SLC25A21: variants seen among roughly 807,000 people sequenced by gnomAD.
SLC25A21 encodes the protein solute carrier family 25 member 21.
SLC25A21 carries 47 observed loss-of-function variants against 43.8 expected under a neutral mutation model. The observed-to-expected ratio is 1.07, with a 90% CI of 0.85 to 1.37. The LOEUF (loss-of-function observed/expected upper bound fraction) is 1.37. Among genes scored for constraint, SLC25A21 ranks in the 40% most tolerant of loss-of-function variants. SLC25A21 has a pLI of 0.00. For synonymous variants in SLC25A21, 131 were observed against 121.3 expected, an observed-to-expected ratio of 1.08 and a Z score of -0.52; for missense variants, 352 against 350.2, an observed-to-expected ratio of 1.00 and a Z score of -0.04.
intron 3 of SLC25A21, among the ~76,000 whole-genome samples, chr14:36,771,853 C>T (rs1886631927): frequency 6.6e-6 from 1 of 151,984 alleles, no homozygotes; most frequent in Non-Finnish European, 1.5e-5. Context: ...TACATCTGAG[C>T]TTTACAAAAA....
intron 1 of SLC25A21, among the ~76,000 whole-genome samples, chr14:37,150,726 T>C (rs1381792146): frequency 1.3e-5 from 2 of 152,186 alleles, no homozygotes; most frequent in Non-Finnish European, 2.9e-5. Context: ...TAGTTTCAGA[T>C]ATAAATGTCC....
At chr14:36,760,261 T>C (rs1886093233) in intron 3 of SLC25A21, among the ~76,000 whole-genome samples, 1 of 151,376 alleles carries the variant, frequency 6.6e-6, no homozygotes, top group Non-Finnish European at 1.5e-5. Flanking sequence ...CCAATCCAAA[T>C]TGCATTTCAC....
chr14:37,036,538 A>G (rs1961331194), intron 1 of SLC25A21, among the ~76,000 whole-genome samples: 1 of 152,180 alleles, frequency 6.6e-6, no homozygotes, highest in Admixed American at 6.5e-5. Context: ...TGAGTCAGGG[A>G]GTTTGAGACC....
chr14:36,934,693 T>C (rs1412656814), intron 1 of SLC25A21, among the ~76,000 whole-genome samples: 1 of 144,640 alleles, frequency 6.9e-6, no homozygotes, highest in African/African-American at 2.6e-5. Context: ...TTTTGCTCCT[T>C]AGAGTTATAC....
intron 2 of SLC25A21, among the ~76,000 whole-genome samples, chr14:36,845,121 A>G (rs1889501415): frequency 6.6e-6 from 1 of 152,188 alleles, no homozygotes; most frequent in Admixed American, 6.5e-5. Flanking sequence ...ATCATGTAAC[A>G]CGGTATAAAG....
intron 2 of SLC25A21, among the ~76,000 whole-genome samples, chr14:36,848,291 G>A (rs750739324): frequency 1.3e-5 from 2 of 152,146 alleles, no homozygotes; most frequent in Non-Finnish European, 2.9e-5. Flanking sequence ...TTTCCAATGG[G>A]ACAGGCAAAA....
chr14:36,760,204 C>G (rs568579193), intron 3 of SLC25A21, among the ~76,000 whole-genome samples: 5 of 152,226 alleles, frequency 3.3e-5, no homozygotes, highest in Admixed American at 3.3e-4. Flanking sequence ...TGTGATACAG[C>G]CTTCAAGATG....
chr14:36,741,947 C>A (rs1430576575), intron 3 of SLC25A21, among the ~76,000 whole-genome samples: 1 of 152,202 alleles, frequency 6.6e-6, no homozygotes, highest in Non-Finnish European at 1.5e-5. Context: ...CCATTCAGCT[C>A]TGTTCTGGGC....
At chr14:36,899,471 G>A (rs558236833) in intron 1 of SLC25A21, among the ~76,000 whole-genome samples, 2 of 152,304 alleles carry the variant, frequency 1.3e-5, no homozygotes, top group Admixed American at 1.3e-4. Flanking sequence ...CTTACACCAA[G>A]GAAGAAATGG....
At chr14:37,002,319 T>G (rs1243103353) in intron 1 of SLC25A21, among the ~76,000 whole-genome samples, 1 of 152,172 alleles carries the variant, frequency 6.6e-6, no homozygotes, top group Non-Finnish European at 1.5e-5. Flanking sequence ...TGGTGTGAAT[T>G]TAGTACTGGT....
intron 1 of SLC25A21, among the ~76,000 whole-genome samples, chr14:36,971,836 C>G (rs1959757918): frequency 6.6e-6 from 1 of 152,086 alleles, no homozygotes; most frequent in Non-Finnish European, 1.5e-5. Context: ...TACTTTCTTC[C>G]TCAAAGTACA....
In SLC25A21 at chr14:37,131,658, T is replaced by C. The variant is rs553324526; in HGVS notation, c.70+40623A>G. Among the ~76,000 whole-genome samples the C allele has an allele frequency of 3.3e-4, 50 of 152,306 alleles. 1 individual carries two copies. In the South Asian group the frequency reaches 9.7e-3, roughly 30 times the overall value. On this transcript the variant is annotated intron_variant, in intron 1 of 9. Coordinates refer to ENST00000331299, the MANE Select transcript of SLC25A21 (RefSeq NM_030631.4). ...TATATTATTTTAATTAAAGAGGATC[T>C]CCAAGAATTGGCAACGGTCTTTGTT...
intron 6 of SLC25A21, among the ~76,000 whole-genome samples, chr14:36,717,260 AG>A (rs375513149): frequency 1.1e-3 from 171 of 152,356 alleles, no homozygotes; most frequent in African/African-American, 4.0e-3. Context: ...GAAAAGAATC[AG>A]GCTTAAAAAG....
chr14:36,915,935 T>C (rs1891818859), intron 1 of SLC25A21, among the ~76,000 whole-genome samples: 1 of 152,120 alleles, frequency 6.6e-6, no homozygotes, highest in African/African-American at 2.4e-5. Flanking sequence ...AGAGTCAAAA[T>C]GACCACAAGT....
chr14:36,857,813 G>A (rs1303885775), intron 2 of SLC25A21, among the ~76,000 whole-genome samples: 1 of 152,224 alleles, frequency 6.6e-6, no homozygotes, highest in Non-Finnish European at 1.5e-5. Flanking sequence ...CTGAAGATGG[G>A]CGGGCCACAG....
intron 1 of SLC25A21, among the ~76,000 whole-genome samples, chr14:37,037,083 C>T (rs1961343194): frequency 6.6e-6 from 1 of 152,148 alleles, no homozygotes; most frequent in Non-Finnish European, 1.5e-5. Context: ...AGGCCAAAGA[C>T]AATCTCAAAT....
rs571134275 is a variant in SLC25A21 at position 36,791,918 on chromosome 14, C to A, written c.203+22000G>T. Among the ~76,000 whole-genome samples, 12 of 152,162 alleles carry A rather than the reference C, an allele frequency of 7.9e-5. 1 individual carries two copies. The South Asian group carries it at 2.5e-3, about 32-fold the overall frequency. ...TCTGGGAGCCAAAAATATTCTATTT[C>A]TTGGTCTGAGTGCTGGATACATGGG... On this transcript the variant is annotated intron_variant, in intron 3 of 9. Transcript: ENST00000331299.
At chr14:36,798,479 A>G (rs1306399329) in intron 3 of SLC25A21, among the ~76,000 whole-genome samples, 1 of 152,052 alleles carries the variant, frequency 6.6e-6, no homozygotes, top group Admixed American at 6.6e-5. Context: ...TAATAGAATC[A>G]TGTGACTGAA....
At chr14:36,766,816 G>C (rs1886433659) in intron 3 of SLC25A21, among the ~76,000 whole-genome samples, 1 of 152,170 alleles carries the variant, frequency 6.6e-6, no homozygotes, top group African/African-American at 2.4e-5. Context: ...ATAATCTAAA[G>C]ACTGAATTTT....
Sources: allele counts gnomAD v4.1 joint callset (sites outside exome capture counted in the v4.1 genomes callset), GRCh38; gene constraint gnomAD v4.1.1; transcripts MANE v1.5; gene names NCBI Gene and HGNC (gene_info 2026-07-23, HGNC 2026-07-21).